SARDH: variants seen among roughly 807,000 people sequenced by gnomAD.
SARDH encodes the protein sarcosine dehydrogenase, also known as sarcosine dehydrogenase, mitochondrial.
A neutral mutation model predicts 109.1 loss-of-function variants in SARDH; 95 were observed. The observed-to-expected ratio is 0.87, with a 90% CI of 0.74 to 1.03. The LOEUF (loss-of-function observed/expected upper bound fraction) is 1.03, where lower values mean the gene tolerates loss of function less well. Among genes scored for constraint, SARDH ranks in the 50% least tolerant of loss-of-function variants. The pLI is 0.00. For missense variants in SARDH, 1,267 were observed against 1,287.8 expected (o/e 0.98, Z 0.25); for synonymous variants, 572 against 534.8 (o/e 1.07, Z -0.96).
chr9:133,681,538 C>A (rs1057128160), intron 17 of SARDH, among the ~76,000 whole-genome samples: 1 of 152,184 alleles, frequency 6.6e-6, no homozygotes, highest in African/African-American at 2.4e-5. Context: ...GGGGTCTGAG[C>A]CCATCGAGGG....
intron 10 of SARDH, 37 bp from the exon 11 acceptor site, chr9:133,708,465 A>G: frequency 1.3e-6 from 2 of 1,581,252 alleles, no homozygotes; most frequent in African/African-American, 1.3e-5. Flanking sequence ...TGCTTTGGGG[A>G]TGGCCCGTCA....
At chr9:133,671,838 A>C in intron 17 of SARDH, 141 bp from the exon 18 acceptor site, 1 of 1,034,138 alleles carries the variant, frequency 9.7e-7, no homozygotes, top group Non-Finnish European at 1.4e-6. Context: ...GCCATCAAGA[A>C]ATGGGGTCTT....
chr9:133,704,965 G>C lies in SARDH; in HGVS notation c.1537C>G (p.Pro513Ala), dbSNP rs1305700770. ...HGWERPGWFHPRGPAPVLEYD... is the reference protein window; with the variant it reads ...HGWERPGWFHARGPAPVLEYD... ...CTACTCACCGGAGCTGGGCCTCGGGGATGAAACCATCCCGGTCGCTCCCAG... is the reference window on the plus strand; with the variant it reads ...CTACTCACCGGAGCTGGGCCTCGGGCATGAAACCATCCCGGTCGCTCCCAG... Residue 513 changes from proline (P) to alanine (A), a missense_variant, in exon 12 of 21, where the codon CCC (proline) becomes GCC (alanine). Physicochemically the swap from Pro to Ala is conservative, Grantham distance 27. Transcript: ENST00000439388. The surrounding 1 kb of genome is among the most constrained non-coding windows in gnomAD (Gnocchi z 4.5). 3.2e-6 allele frequency: 5 copies of C among 1,581,796 alleles called. No individual in the cohort carries two copies.
rs1473510403 is a variant in SARDH at position 133,733,969 on chromosome 9, C to T, written c.205G>A (p.Val69Met). The change falls in exon 2 of 21, where the codon GTG becomes ATG. Residue 69 changes from valine to methionine, a missense_variant. Transcript: ENST00000439388. ...PSRPLPSTAN[V>M]VVIGGGSLGC... ...AAGCTGCCTCCACCAATGACCACCA[C>T]GTTGGCCGTGCTGGGCAGGGGCCGG... is the stretch of plus-strand genomic sequence containing the variant. 2 of 1,611,308 alleles carry T rather than the reference C, an allele frequency of 1.2e-6. No individual in the cohort carries two copies. Among genetic ancestry groups the T allele is most frequent in the South Asian group, 1.1e-5 (1 of 90,864 alleles).
chr9:133,737,245 C>T (rs992936588), intron 1 of SARDH, among the ~76,000 whole-genome samples: 1 of 152,208 alleles, frequency 6.6e-6, no homozygotes, highest in Non-Finnish European at 1.5e-5. Flanking sequence ...GGGCTGCCCC[C>T]CATCTCCTGC....
At chr9:133,735,310 G>C (rs1832846114) in intron 1 of SARDH, among the ~76,000 whole-genome samples, 1 of 152,192 alleles carries the variant, frequency 6.6e-6, no homozygotes, top group Non-Finnish European at 1.5e-5. Context: ...GGGCTCAGAA[G>C]CCGGGTTAAC....
chr9:133,705,122 G>T, intron 11 of SARDH, 91 bp from the exon 12 acceptor site: 1 of 1,308,572 alleles, frequency 7.6e-7, no homozygotes, highest in Non-Finnish European at 1.1e-6. Flanking sequence ...TACACCCAAG[G>T]GTGCGGAGAG....
At chr9:133,710,970 C>T (rs533561545) in intron 10 of SARDH, among the ~76,000 whole-genome samples, 1 of 152,342 alleles carries the variant, frequency 6.6e-6, no homozygotes, top group East Asian at 1.9e-4. Context: ...TGCTCCTCCT[C>T]CTGCTGTACT....
At chr9:133,690,324 G>A in intron 16 of SARDH, 56 bp downstream of exon 16, 1 of 1,579,792 alleles carries the variant, frequency 6.3e-7, no homozygotes, top group Admixed American at 1.7e-5. Context: ...GCCTGTTGGA[G>A]GACCTGGGTC....
At chr9:133,676,347 A>G (rs1266420709) in intron 17 of SARDH, among the ~76,000 whole-genome samples, 1 of 152,222 alleles carries the variant, frequency 6.6e-6, no homozygotes, top group Non-Finnish European at 1.5e-5. Context: ...TGGAGGGCAC[A>G]GGGGCTGGGG....
chr9:133,703,325 G>T (rs995028814), intron 12 of SARDH: 9 of 447,682 alleles, frequency 2.0e-5, no homozygotes, highest in East Asian at 1.6e-4. Flanking sequence ...AGGGAGAGGT[G>T]GTTACCCAGG....
At chr9:133,694,933 G>C (rs1831229889) in intron 14 of SARDH, among the ~76,000 whole-genome samples, 1 of 152,170 alleles carries the variant, frequency 6.6e-6, no homozygotes, top group Admixed American at 6.5e-5. Context: ...TGGGTGGCTG[G>C]ATTAATGGGA....
In SARDH at chr9:133,718,410, G is replaced by A; in HGVS notation, c.1020+528C>T. On this transcript the variant is annotated intron_variant, in intron 7 of 20. Coordinates refer to ENST00000439388, the MANE Select transcript of SARDH (RefSeq NM_001134707.2). The surrounding 1 kb of genome is among the most constrained non-coding windows in gnomAD (Gnocchi z 4.2). Reference sequence around the variant, plus strand: ...TTGTATGTCTCTCCACCAAAATATAGGCACCCAGAGTCAGGGACTTTTATC... The same window carrying A: ...TTGTATGTCTCTCCACCAAAATATAAGCACCCAGAGTCAGGGACTTTTATC... The A allele has an allele frequency of 2.3e-6, 1 of 433,570 alleles. No homozygotes were observed. Among genetic ancestry groups the A allele is most frequent in the South Asian group, 3.5e-5 (1 of 28,216 alleles). The allele number at this position is 433,570 out of a possible 1,614,324, so 26.9% of individuals were successfully genotyped here.
intron 6 of SARDH, among the ~76,000 whole-genome samples, chr9:133,726,514 C>A (rs1013414568): frequency 6.6e-6 from 1 of 152,072 alleles, no homozygotes; most frequent in Non-Finnish European, 1.5e-5. Context: ...GCCAGGGAAG[C>A]CCCTGATGTT....
intron 20 of SARDH, among the ~76,000 whole-genome samples, chr9:133,665,607 A>G (rs867880781): frequency 2.0e-5 from 3 of 152,164 alleles, no homozygotes; most frequent in African/African-American, 7.2e-5. Context: ...AGTGGCATCA[A>G]GTGTGTCCCC....
Position 133,703,037 on chromosome 9 carries a change from G to A in SARDH, c.1555-8C>T. On this transcript the variant is annotated splice_region_variant and splice_polypyrimidine_tract_variant and intron_variant, in intron 12 of 20. Coordinates refer to ENST00000439388, the MANE Select transcript of SARDH (RefSeq NM_001134707.2). ...GTAGTCGTACTCGAGGACCTGGGAA[G>A]AAAAGACGTGGTCCTCAGCCTGCCT... The A allele has an allele frequency of 6.2e-7, 1 of 1,609,788 alleles. No homozygotes were observed. The highest frequency in any genetic ancestry group is 8.5e-7 in the Non-Finnish European group (1 of 1,178,358).
intron 17 of SARDH, among the ~76,000 whole-genome samples, chr9:133,677,407 G>C (rs557688329): frequency 6.6e-6 from 1 of 152,116 alleles, no homozygotes; most frequent in Non-Finnish European, 1.5e-5. Context: ...ACCTCACCTG[G>C]GTGCAGCTTG....
intron 19 of SARDH, 62 bp downstream of exon 19, chr9:133,670,522 G>T: frequency 6.0e-6 from 9 of 1,512,104 alleles, no homozygotes; most frequent in Non-Finnish European, 8.0e-6. Flanking sequence ...ACCAAGAAGC[G>T]CCTGCCTGCC....
At chr9:133,665,985 G>T (rs1830051740) in intron 20 of SARDH, among the ~76,000 whole-genome samples, 1 of 152,210 alleles carries the variant, frequency 6.6e-6, no homozygotes, top group African/African-American at 2.4e-5. Context: ...GTGCCAGAAA[G>T]ATGGGAAAAG....
Sources: allele counts gnomAD v4.1 joint callset (sites outside exome capture counted in the v4.1 genomes callset), GRCh38; gene constraint gnomAD v4.1.1; non-coding constraint Gnocchi (gnomAD v3.1); transcripts MANE v1.5; gene names NCBI Gene and HGNC (gene_info 2026-07-23, HGNC 2026-07-21).